The following PHACTR2 variants were observed in gnomAD, a reference collection of about 807,000 sequenced individuals.
PHACTR2 encodes chromosome 6 open reading frame 56.
In PHACTR2, 30 loss-of-function variants were observed where a neutral mutation model predicts 76.0. The observed-to-expected ratio is 0.39, with a 90% CI of 0.30 to 0.54. PHACTR2 has a LOEUF of 0.54. PHACTR2 is among the 20% of genes least tolerant of loss of function. PHACTR2 has a pLI of 0.61. For missense variants in PHACTR2, 696 were observed against 781.1 expected (o/e 0.89, Z 1.30); for synonymous variants, 292 against 292.5 (o/e 1.00, Z 0.02).
Position 143,597,590 on chromosome 6 carries a change from T to C in PHACTR2, c.217+60383T>C, listed in dbSNP as rs1268927490. Among the ~76,000 whole-genome samples the C allele has an allele frequency of 6.6e-6, 1 of 152,206 alleles. No individual in the cohort carries two copies. On this transcript the variant is annotated intron_variant, in intron 1 of 11. Transcript: ENST00000367584. The surrounding 1 kb of genome is among the most constrained non-coding windows in gnomAD (Gnocchi z 5.7). ...GGATTCCTCTTCTGCTGTCTGTTTT[T>C]CCTGATGGGAGCCAGTGATAAAAGG... is the stretch of plus-strand genomic sequence containing the variant.
rs1335185190 is a variant in PHACTR2, at chr6:143,767,373, G to A, written c.1232+1575G>A. Among the ~76,000 whole-genome samples the A allele has an allele frequency of 6.6e-6, 1 of 151,954 alleles. No homozygotes were observed. The highest frequency in any genetic ancestry group is 1.9e-4 in the East Asian group (1 of 5,194). ...ATTTCTCTTCTGTTAGTTTCTTTGG[G>A]TTTTTTTAAGTCATTTTGAGCACCA... On this transcript the variant is annotated intron_variant, in intron 6 of 12. Coordinates refer to ENST00000440869, the MANE Select transcript of PHACTR2 (RefSeq NM_001100164.2). This position sits in a 1 kb window ranked among gnomAD's most constrained non-coding sequence, Gnocchi z 4.4.
rs1779156297 is a variant in PHACTR2 at position 143,750,337 on chromosome 6, A to G, written c.295+1272A>G. On this transcript the variant is annotated intron_variant, in intron 3 of 12. Coordinates refer to ENST00000440869, the MANE Select transcript of PHACTR2 (RefSeq NM_001100164.2). This position sits in a 1 kb window ranked among gnomAD's most constrained non-coding sequence, Gnocchi z 4.6. ...TGAGACTTTTAAGAGTTAAAAATGC[A>G]CATTTCTAACTTTTTAAACTTAAAG... Among the ~76,000 whole-genome samples the G allele has an allele frequency of 6.6e-6, 1 of 152,214 alleles. No homozygotes were observed. Among genetic ancestry groups the G allele is most frequent in the African/African-American group, 2.4e-5 (1 of 41,458 alleles).
rs1229505547 is a variant in PHACTR2 at position 143,589,284 on chromosome 6, T to G, written c.217+52077T>G. Among the ~76,000 whole-genome samples, 2 of 152,132 alleles carry G rather than the reference T, an allele frequency of 1.3e-5. No individual in the cohort carries two copies. The highest frequency in any genetic ancestry group is 4.8e-5 in the African/African-American group (2 of 41,430). On this transcript the variant is annotated intron_variant, in intron 1 of 11. Transcript: ENST00000367584. The surrounding 1 kb of genome is among the most constrained non-coding windows in gnomAD (Gnocchi z 4.4). ...AGGTGATTGGATCATGGGGGTGGAT[T>G]TCCCCCTTGCTGTTGTCATGATAGT... is the stretch of plus-strand genomic sequence containing the variant.
At chr6:143,812,464 G>A (rs561372732) in intron 12 of PHACTR2, among the ~76,000 whole-genome samples, 1 of 152,254 alleles carries the variant, frequency 6.6e-6, no homozygotes, top group South Asian at 2.1e-4. Context: ...GTGCACTGAG[G>A]GGGTACCTCT....
In PHACTR2 at chr6:143,602,929, G is replaced by A. The variant is rs184463049; in HGVS notation, c.217+65722G>A. 2.6e-5 allele frequency among the ~76,000 whole-genome samples: 4 copies of A among 152,218 alleles called. No individual in the cohort carries two copies. The highest frequency in any genetic ancestry group is 2.1e-4 in the South Asian group (1 of 4,820). Reference sequence around the variant, plus strand: ...GGAGGCCGAGGTGGGCAGATCACCCGTGGTCAGGAGTTTGAGACCAGCCTG... The same window carrying A: ...GGAGGCCGAGGTGGGCAGATCACCCATGGTCAGGAGTTTGAGACCAGCCTG... On this transcript the variant is annotated intron_variant, in intron 1 of 11. Coordinates refer to the PHACTR2 transcript ENST00000367584. The surrounding 1 kb of genome is among the most constrained non-coding windows in gnomAD (Gnocchi z 6.1).
intron 12 of PHACTR2, among the ~76,000 whole-genome samples, chr6:143,810,976 A>G (rs1272193590): frequency 6.6e-6 from 1 of 152,098 alleles, no homozygotes; most frequent in Non-Finnish European, 1.5e-5. Context: ...TAACTTTTAA[A>G]CTTTTTAATG....
intron 1 of PHACTR2, among the ~76,000 whole-genome samples, chr6:143,637,107 G>T (rs886882348): frequency 2.0e-5 from 3 of 152,164 alleles, no homozygotes; most frequent in Non-Finnish European, 4.4e-5. Flanking sequence ...GTGTCCAGGG[G>T]TTGCATAGTT....
chr6:143,747,274 A>G (rs1779086806), intron 2 of PHACTR2, among the ~76,000 whole-genome samples: 1 of 152,220 alleles, frequency 6.6e-6, no homozygotes, highest in Non-Finnish European at 1.5e-5. Context: ...AATTTCTATT[A>G]TCAGAAAGGA....
At chr6:143,668,173 A>C (rs1777077742) in intron 1 of PHACTR2, among the ~76,000 whole-genome samples, 1 of 152,210 alleles carries the variant, frequency 6.6e-6, no homozygotes, top group South Asian at 2.1e-4. Context: ...GTGATGGATT[A>C]CATTTATTGA....
chr6:143,649,819 C>A (rs1057499697), intron 1 of PHACTR2, among the ~76,000 whole-genome samples: 4 of 152,184 alleles, frequency 2.6e-5, no homozygotes, highest in Non-Finnish European at 5.9e-5. Flanking sequence ...TCCTATTCAA[C>A]ACAGTATTGG....
In PHACTR2 at chr6:143,739,404, T is replaced by C. The variant is rs1227510534; in HGVS notation, c.215-9581T>C. ...AATCAGTTCTCTAGCCTGTTCTTTT[T>C]GGGACGAGATTAGAGTGTAATTTCT... On this transcript the variant is annotated intron_variant, in intron 2 of 12. Coordinates refer to ENST00000440869, the MANE Select transcript of PHACTR2 (RefSeq NM_001100164.2). The surrounding 1 kb of genome is among the most constrained non-coding windows in gnomAD (Gnocchi z 4.3). Among the ~76,000 whole-genome samples the C allele has an allele frequency of 6.6e-6, 1 of 152,206 alleles. No individual in the cohort carries two copies. The highest frequency in any genetic ancestry group is 1.9e-4 in the East Asian group (1 of 5,188).
At chr6:143,643,375 G>A (rs1460617675) in intron 1 of PHACTR2, among the ~76,000 whole-genome samples, 1 of 152,126 alleles carries the variant, frequency 6.6e-6, no homozygotes, top group East Asian at 1.9e-4. Flanking sequence ...CTATGCACAA[G>A]TTACTTCTGA....
chr6:143,666,853 T>C (rs1777046579), intron 1 of PHACTR2, among the ~76,000 whole-genome samples: 1 of 152,250 alleles, frequency 6.6e-6, no homozygotes, highest in Non-Finnish European at 1.5e-5. Context: ...TGAGAGTTTC[T>C]TTCGCTGTGC....
chr6:143,806,293 C>A lies in PHACTR2; in HGVS notation c.1846-764C>A, dbSNP rs1159214688. 6.6e-6 allele frequency among the ~76,000 whole-genome samples: 1 copy of A among 152,098 alleles called. No homozygotes were observed. Among genetic ancestry groups the A allele is most frequent in the African/African-American group, 2.4e-5 (1 of 41,424 alleles). ...AGCAATGCATTCTATTTGATATTTTCTTTGGGTAGCTTTAAGGATTATGCT... is the reference window on the plus strand; with the variant it reads ...AGCAATGCATTCTATTTGATATTTTATTTGGGTAGCTTTAAGGATTATGCT... On this transcript the variant is annotated intron_variant, in intron 11 of 12. Transcript: ENST00000440869. This position sits in a 1 kb window ranked among gnomAD's most constrained non-coding sequence, Gnocchi z 5.8.
In PHACTR2 at chr6:143,742,307, T is replaced by C. The variant is rs1334099771; in HGVS notation, c.215-6678T>C. Among the ~76,000 whole-genome samples the C allele has an allele frequency of 6.6e-6, 1 of 152,162 alleles. No individual in the cohort carries two copies. Among genetic ancestry groups the C allele is most frequent in the Admixed American group, 6.5e-5 (1 of 15,280 alleles). ...ATTAAGAACCTGTCTCGCTCCCTCTTTTGAGTCTGTATTTCCTCCCTGTTG... is the reference window on the plus strand; with the variant it reads ...ATTAAGAACCTGTCTCGCTCCCTCTCTTGAGTCTGTATTTCCTCCCTGTTG... On this transcript the variant is annotated intron_variant, in intron 2 of 12. Coordinates refer to ENST00000440869, the MANE Select transcript of PHACTR2 (RefSeq NM_001100164.2). This position sits in a 1 kb window ranked among gnomAD's most constrained non-coding sequence, Gnocchi z 4.5.
intron 1 of PHACTR2, among the ~76,000 whole-genome samples, chr6:143,691,359 T>C (rs1777639121): frequency 6.6e-6 from 1 of 152,146 alleles, no homozygotes; most frequent in Admixed American, 6.5e-5. Flanking sequence ...TTACAAAATA[T>C]CCAGTTCAGA....
chr6:143,613,610 T>G (rs1776014313), intron 1 of PHACTR2, among the ~76,000 whole-genome samples: 2 of 152,264 alleles, frequency 1.3e-5, no homozygotes, highest in Admixed American at 1.3e-4. Flanking sequence ...TGAGCGTTTC[T>G]TTCTTTGCAA....
rs1417710383 is a variant in PHACTR2 at position 143,550,967 on chromosome 6, G to A, written c.217+13760G>A. The stretch of plus-strand genomic sequence containing the variant: ...GCAGGAGGATCACTTGAGCCTGGGA[G>A]GTTGAGACTACATGAACCATGATTG... On this transcript the variant is annotated intron_variant, in intron 1 of 11. Transcript: ENST00000367584. The surrounding 1 kb of genome is among the most constrained non-coding windows in gnomAD (Gnocchi z 4.8). Among the ~76,000 whole-genome samples, 1 of 151,954 alleles carries A rather than the reference G, an allele frequency of 6.6e-6. No homozygotes were observed. Among genetic ancestry groups the A allele is most frequent in the Non-Finnish European group, 1.5e-5 (1 of 67,932 alleles).
intron 1 of PHACTR2, among the ~76,000 whole-genome samples, chr6:143,670,818 C>T (rs1178356654): frequency 6.6e-6 from 1 of 152,082 alleles, no homozygotes; most frequent in Non-Finnish European, 1.5e-5. Flanking sequence ...GAGTTTATTA[C>T]CCACCTTTTG....
Sources: allele counts gnomAD v4.1 joint callset (sites outside exome capture counted in the v4.1 genomes callset), GRCh38; gene constraint gnomAD v4.1.1; non-coding constraint Gnocchi (gnomAD v3.1); transcripts MANE v1.5; gene names NCBI Gene and HGNC (gene_info 2026-07-23, HGNC 2026-07-21).